The following LINGO2 variants were observed in gnomAD, a reference collection of about 807,000 sequenced individuals.
LINGO2 encodes the protein leucine-rich repeat and immunoglobulin-like domain-containing nogo receptor-interacting protein 2.
Under a neutral mutation model 30.6 loss-of-function variants are expected in LINGO2, and 14 were observed. That is an observed-to-expected ratio of 0.46 (90% confidence interval 0.30 to 0.72). The LOEUF is 0.72. Ranked by LOEUF, LINGO2 falls within the 30% of genes least tolerant of loss-of-function variation. LINGO2 has a pLI of 0.07. For missense variants in LINGO2, 729 were observed against 751.7 expected (o/e 0.97, Z 0.35); for synonymous variants, 317 against 288.5 (o/e 1.10, Z -1.00).
intron 4 of LINGO2, among the ~76,000 whole-genome samples, chr9:28,177,771 C>T (rs879503014): frequency 3.3e-5 from 5 of 152,090 alleles, no homozygotes; most frequent in Non-Finnish European, 7.4e-5. Flanking sequence ...TCATTCTTAA[C>T]AAAAATTCCA....
the LINGO2 span, among the ~76,000 whole-genome samples, chr9:29,090,296 T>C: frequency 6.6e-6 from 1 of 151,998 alleles, no homozygotes; most frequent in East Asian, 1.9e-4. Context: ...ACCACCCAAC[T>C]CCATATAGTA....
intron 3 of LINGO2, among the ~76,000 whole-genome samples, chr9:28,367,635 A>G (rs1464221003): frequency 6.6e-6 from 1 of 151,864 alleles, no homozygotes; most frequent in Admixed American, 6.6e-5. Flanking sequence ...ACGCTTTTGT[A>G]GGTGACTCTT....
At chr9:28,487,415 G>C (rs1826214362) in intron 1 of LINGO2, among the ~76,000 whole-genome samples, 1 of 152,066 alleles carries the variant, frequency 6.6e-6, no homozygotes, top group Non-Finnish European at 1.5e-5. Flanking sequence ...GATTGTTTTA[G>C]AAACAACTAA....
intron 2 of LINGO2, among the ~76,000 whole-genome samples, chr9:28,395,385 C>G (rs1308881828): frequency 1.3e-5 from 2 of 152,188 alleles, no homozygotes; most frequent in Non-Finnish European, 2.9e-5. Flanking sequence ...CTGGCATGCT[C>G]TCTTTCAATG....
intron 2 of LINGO2, among the ~76,000 whole-genome samples, chr9:28,475,364 G>T (rs1172319352): frequency 1.3e-5 from 2 of 152,008 alleles, no homozygotes; most frequent in Non-Finnish European, 2.9e-5. Context: ...TTTGGCAGTG[G>T]ATACAATTGC....
At chr9:28,119,336 A>T (rs1827026782) in intron 4 of LINGO2, among the ~76,000 whole-genome samples, 1 of 152,236 alleles carries the variant, frequency 6.6e-6, no homozygotes, top group African/African-American at 2.4e-5. Flanking sequence ...CACGTTCTCC[A>T]GAAATACATG....
the LINGO2 span, among the ~76,000 whole-genome samples, chr9:29,071,154 T>TATTGTATTGTATTG: frequency 2.2e-5 from 3 of 137,752 alleles, no homozygotes; most frequent in African/African-American, 8.1e-5. Flanking sequence ...TCACAGAGAA[T>TATTGTATTGTATTG]TATTGTATTG....
intron 1 of LINGO2, among the ~76,000 whole-genome samples, chr9:28,621,133 C>T (rs918961041): frequency 6.6e-5 from 10 of 151,806 alleles, no homozygotes; most frequent in African/African-American, 2.2e-4. Context: ...GCAGAAAATA[C>T]GACAATGCTC....
At chr9:28,812,106 C>T in the LINGO2 span, among the ~76,000 whole-genome samples, 5 of 151,768 alleles carry the variant, frequency 3.3e-5, no homozygotes, top group African/African-American at 1.2e-4. Context: ...CTCTTCCTAC[C>T]ATCAATTAGC....
chr9:28,701,559 C>G, the LINGO2 span, among the ~76,000 whole-genome samples: 1 of 152,026 alleles, frequency 6.6e-6, no homozygotes, highest in Non-Finnish European at 1.5e-5. Context: ...GTATATTTAA[C>G]ACAAATTGGT....
At chr9:28,473,033 A>G (rs1167472248) in intron 2 of LINGO2, among the ~76,000 whole-genome samples, 2 of 152,050 alleles carry the variant, frequency 1.3e-5, no homozygotes, top group South Asian at 2.1e-4. Flanking sequence ...TTCCTCTGAG[A>G]CTTTAATTTT....
chr9:28,129,508 C>T lies in LINGO2; in HGVS notation c.-86-117103G>A, dbSNP rs142195311. 1.3e-5 allele frequency: 2 copies of T among 152,338 alleles called. No individual in the cohort carries two copies. The highest frequency in any genetic ancestry group is 3.9e-4 in the East Asian group (2 of 5,178). The allele number at this position is 152,338 out of a possible 1,614,324, so 9.4% of individuals were successfully genotyped here. On this transcript the variant is annotated intron_variant, in intron 4 of 5. Transcript: ENST00000379992. The surrounding 1 kb of genome is among the most constrained non-coding windows in gnomAD (Gnocchi z 4.0). Reference sequence around the variant, plus strand: ...CACAGAAACAGCCTATCCAGTCGTACCTCTTCAGTCCTCAGACTGGGTCCT... The same window carrying T: ...CACAGAAACAGCCTATCCAGTCGTATCTCTTCAGTCCTCAGACTGGGTCCT...
the LINGO2 span, among the ~76,000 whole-genome samples, chr9:28,715,941 T>C: frequency 6.6e-6 from 1 of 151,946 alleles, no homozygotes; most frequent in African/African-American, 2.4e-5. Flanking sequence ...GTGGGCCAAG[T>C]TGAATTTGAA....
At chr9:28,501,080 A>G (rs756120827) in intron 1 of LINGO2, among the ~76,000 whole-genome samples, 3 of 152,120 alleles carry the variant, frequency 2.0e-5, no homozygotes, top group Non-Finnish European at 2.9e-5. Context: ...GCTAAAGGAT[A>G]TATACTAGCA....
chr9:28,724,399 C>T, the LINGO2 span, among the ~76,000 whole-genome samples: 1 of 152,104 alleles, frequency 6.6e-6, no homozygotes, highest in South Asian at 2.1e-4. Flanking sequence ...GAGAAGCTCT[C>T]CATAGGTCAC....
At chr9:28,425,965 T>C (rs529384894) in intron 2 of LINGO2, among the ~76,000 whole-genome samples, 4 of 152,224 alleles carry the variant, frequency 2.6e-5, no homozygotes, top group African/African-American at 9.6e-5. Context: ...ACTTTAGGCG[T>C]ATTTTCAAGA....
chr9:28,136,700 T>C (rs775293764), intron 4 of LINGO2, among the ~76,000 whole-genome samples: 50 of 152,218 alleles, frequency 3.3e-4, no homozygotes, highest in Admixed American at 9.8e-4. Context: ...CATTAGAATA[T>C]ACCATATCCC....
chr9:28,880,629 C>T, the LINGO2 span, among the ~76,000 whole-genome samples: 1 of 152,064 alleles, frequency 6.6e-6, no homozygotes, highest in Non-Finnish European at 1.5e-5. Context: ...CGTCACCCAG[C>T]CCAACACCCG....
chr9:28,773,184 T>C, the LINGO2 span, among the ~76,000 whole-genome samples: 1 of 151,858 alleles, frequency 6.6e-6, no homozygotes. Context: ...GCTAACACAG[T>C]GAAACCCTGT....
Sources: gnomAD v4.1 joint callset for allele counts (sites outside exome capture counted in the v4.1 genomes callset) on GRCh38, gnomAD v4.1.1 for gene constraint, Gnocchi (gnomAD v3.1) non-coding constraint, MANE v1.5 for transcripts, NCBI Gene and HGNC (gene_info 2026-07-23, HGNC 2026-07-21) for gene names.